The following DNAH17 variants were observed in gnomAD, a reference collection of about 807,000 sequenced individuals.
The protein encoded by DNAH17 is axonemal beta dynein heavy chain 17.
Under a neutral mutation model 485.6 loss-of-function variants are expected in DNAH17, and 376 were observed. That is an observed-to-expected ratio of 0.77 (90% CI 0.71 to 0.84). DNAH17 has a LOEUF of 0.84. Ranked by LOEUF, DNAH17 falls within the 40% of genes least tolerant of loss-of-function variation. The pLI is 0.00. For missense variants in DNAH17, 6,370 were observed against 5,839.3 expected (o/e 1.09, Z -2.96); for synonymous variants, 3,031 against 2,405.9 (o/e 1.26, Z -7.60).
intron 54 of DNAH17, among the ~76,000 whole-genome samples, chr17:78,472,046 A>G (rs2088776273): frequency 6.6e-6 from 1 of 152,114 alleles, no homozygotes; most frequent in South Asian, 2.1e-4. Flanking sequence ...ACTGTCAGCC[A>G]AGGACGGCAA....
At chr17:78,573,169 G>A (rs540382792) in intron 2 of DNAH17, among the ~76,000 whole-genome samples, 11 of 152,230 alleles carry the variant, frequency 7.2e-5, no homozygotes, top group Non-Finnish European at 1.5e-4. Flanking sequence ...CCAAGCTCTT[G>A]CACCCATAGC....
intron 21 of DNAH17, among the ~76,000 whole-genome samples, chr17:78,529,910 G>A (rs371579364): frequency 1.3e-5 from 2 of 152,158 alleles, no homozygotes; most frequent in African/African-American, 4.8e-5. Flanking sequence ...CTTAGCTCAA[G>A]CCCATCCTCA....
intron 44 of DNAH17, chr17:78,490,157 A>T (rs2146666779): frequency 2.0e-5 from 3 of 153,044 alleles, no homozygotes; most frequent in Admixed American, 1.9e-4. Context: ...TGCTGGCATG[A>T]CCAGCTGCTT....
intron 75 of DNAH17, among the ~76,000 whole-genome samples, chr17:78,432,199 T>TA (rs960514113): frequency 6.8e-6 from 1 of 147,686 alleles, no homozygotes; most frequent in African/African-American, 2.5e-5. Context: ...AATAAATAAA[T>TA]AAATAAAATA....
Position 78,502,572 on chromosome 17 carries a change from C to CT in DNAH17, c.5190+18dup. On this transcript the variant is annotated intron_variant, in intron 33 of 80. Transcript: ENST00000389840. ...AAACAAGTTTTAAAAACGTAACTAA[C>CT]TACACACTAGTAACACACCTGCTTT... The CT allele has an allele frequency of 6.2e-7, 1 of 1,605,392 alleles. No individual in the cohort carries two copies. Among genetic ancestry groups the CT allele is most frequent in the Non-Finnish European group, 8.5e-7 (1 of 1,175,662 alleles).
In DNAH17 at chr17:78,442,735, C is replaced by T. The variant is rs149219477; in HGVS notation, c.11529-1536G>A. 2.2e-4 allele frequency among the ~76,000 whole-genome samples: 34 copies of T among 152,312 alleles called. No individual in the cohort carries two copies. In the East Asian group the frequency reaches 6.4e-3, roughly 29 times the overall value. On this transcript the variant is annotated intron_variant, in intron 71 of 80. Coordinates refer to ENST00000389840, the MANE Select transcript of DNAH17 (RefSeq NM_173628.4). Reference sequence around the variant, plus strand: ...AGCAGACCCCGGCAACTAGTGCAACCGGCCACAGAGGAAGCACTTACGCCA... The same window carrying T: ...AGCAGACCCCGGCAACTAGTGCAACTGGCCACAGAGGAAGCACTTACGCCA...
At chr17:78,518,682 C>G (rs1404692008) in intron 25 of DNAH17, among the ~76,000 whole-genome samples, 1 of 152,194 alleles carries the variant, frequency 6.6e-6, no homozygotes, top group African/African-American at 2.4e-5. Flanking sequence ...CTCCGCCCAA[C>G]AGAAGCAGAA....
intron 11 of DNAH17, among the ~76,000 whole-genome samples, chr17:78,565,123 A>AC (rs1598737953): frequency 6.6e-6 from 1 of 152,068 alleles, no homozygotes; most frequent in African/African-American, 2.4e-5. Flanking sequence ...ATGGACTCCC[A>AC]CCCTGCTCCT....
At chr17:78,458,954 C>T in intron 61 of DNAH17, 47 bp downstream of exon 61, 1 of 1,596,434 alleles carries the variant, frequency 6.3e-7, no homozygotes, top group Non-Finnish European at 8.6e-7. Context: ...GCAGCGCGAG[C>T]AAGCGGCTCT....
At chr17:78,424,463 C>T (rs964935162) in intron 80 of DNAH17, 5 of 343,414 alleles carry the variant, frequency 1.5e-5, no homozygotes, top group Non-Finnish European at 2.7e-5. Context: ...GTCATAACTC[C>T]AGCTAAAAAT....
rs779280842 is a variant in DNAH17, at chr17:78,463,117, C to T, written c.8941-40G>A. 4.4e-6 allele frequency: 7 copies of T among 1,593,104 alleles called. No homozygotes were observed. In the African/African-American group the frequency reaches 6.7e-5, roughly 15 times the overall value. On this transcript the variant is annotated intron_variant, in intron 56 of 80. Transcript: ENST00000389840. ...CAGCCAGTCATCCCTGGGACCCCAT[C>T]CTGCAAATCAGCAAAGTGGGGCTCC...
rs1373182922 is a variant in DNAH17 at position 78,423,895 on chromosome 17, G to T, written c.*11C>A. 1 of 1,613,632 alleles carries T rather than the reference G, an allele frequency of 6.2e-7. No individual in the cohort carries two copies. The highest frequency in any genetic ancestry group is 8.5e-7 in the Non-Finnish European group (1 of 1,179,672). On this transcript the variant is annotated 3_prime_UTR_variant, in exon 81 of 81. Coordinates refer to ENST00000389840, the MANE Select transcript of DNAH17 (RefSeq NM_173628.4). ...AGCCCCAGGGAGTGTGGGCTGTGAG[G>T]CAGGAGCGAGCTAAACCTGTAGGAG...
intron 55 of DNAH17, among the ~76,000 whole-genome samples, chr17:78,467,576 T>C (rs1008457626): frequency 2.0e-5 from 3 of 152,040 alleles, no homozygotes; most frequent in African/African-American, 7.2e-5. Context: ...CCCTGCTCTG[T>C]TTGAGTCAAG....
At chr17:78,560,182 T>C (rs1374936458) in intron 13 of DNAH17, among the ~76,000 whole-genome samples, 1 of 152,168 alleles carries the variant, frequency 6.6e-6, no homozygotes, top group African/African-American at 2.4e-5. Context: ...CACTAATTTA[T>C]CCCAAGCACA....
intron 62 of DNAH17, among the ~76,000 whole-genome samples, chr17:78,457,043 C>T (rs376634764): frequency 7.2e-5 from 11 of 152,240 alleles, no homozygotes; most frequent in South Asian, 2.1e-4. Context: ...ACTGGGACCA[C>T]GGCAGGTCTG....
At chr17:78,489,835 ATGGATGGGTGAGTGGGTGGG>A (rs1251473903) in intron 44 of DNAH17, among the ~76,000 whole-genome samples, 11 of 104,720 alleles carry the variant, frequency 1.1e-4, no homozygotes, top group Non-Finnish European at 1.9e-4. Context: ...GGGAGGGTGA[ATGGATGGGTGAGTGGGTGGG>A]TGGGCGGATG....
intron 26 of DNAH17, among the ~76,000 whole-genome samples, chr17:78,512,027 C>G (rs563126621): frequency 6.6e-6 from 1 of 152,196 alleles, no homozygotes; most frequent in Non-Finnish European, 1.5e-5. Context: ...CTTCCTTGGG[C>G]CTAGGGAGCA....
At chr17:78,472,732 C>T (rs1347203779) in intron 54 of DNAH17, 4 of 454,788 alleles carry the variant, frequency 8.8e-6, no homozygotes, top group African/African-American at 6.0e-5. Context: ...AGGCACAGCC[C>T]TCGCTGGCCC....
chr17:78,473,810 C>A (rs1268805698), intron 54 of DNAH17, among the ~76,000 whole-genome samples: 1 of 152,186 alleles, frequency 6.6e-6, no homozygotes, highest in Non-Finnish European at 1.5e-5. Flanking sequence ...AGACTAGAGA[C>A]TTCAATGGAG....
Sources: gnomAD v4.1 joint callset for allele counts (sites outside exome capture counted in the v4.1 genomes callset) on GRCh38, gnomAD v4.1.1 for gene constraint, MANE v1.5 for transcripts, NCBI Gene and HGNC (gene_info 2026-07-23, HGNC 2026-07-21) for gene names.